Variants in BACE2 observed in about 807,000 individuals in gnomAD.
BACE2 encodes the protein beta-secretase 2.
In BACE2, 17 loss-of-function variants were observed where a neutral mutation model predicts 46.2. That is an observed-to-expected ratio of 0.37 (90% CI 0.25 to 0.55). BACE2 has a LOEUF of 0.55. Among genes scored for constraint, BACE2 ranks in the 20% least tolerant of loss-of-function variants. The pLI is 0.82. For synonymous variants in BACE2, 277 were observed against 295.9 expected (o/e 0.94, Z 0.66); for missense variants, 595 against 698.1 (o/e 0.85, Z 1.66).
chr21:41,185,312 G>A (rs956244899), intron 1 of BACE2: 29 of 152,468 alleles, frequency 1.9e-4, no homozygotes, highest in African/African-American at 5.8e-4. Flanking sequence ...TAAACAAATG[G>A]AGGAAGGGAA....
chr21:41,242,413 C>G (rs74349442), intron 4 of BACE2, among the ~76,000 whole-genome samples: 1,954 of 152,206 alleles, frequency 0.013, 38 homozygotes, highest in African/African-American at 0.043. Context: ...GAAACAGAAT[C>G]AAGGCCGTCA....
In BACE2 at chr21:41,222,307, C is replaced by T. The variant is rs554560485; in HGVS notation, c.313-3959C>T. 9.8e-5 allele frequency among the ~76,000 whole-genome samples: 15 copies of T among 152,314 alleles called. No individual in the cohort carries two copies. The South Asian group carries it at 2.7e-3, about 27-fold the overall frequency. ...GTGTTATGGGAGGGAAAGGGATGCACAGGCCGGCAGGAGACTGGGAACAGC... is the reference window on the plus strand; with the variant it reads ...GTGTTATGGGAGGGAAAGGGATGCATAGGCCGGCAGGAGACTGGGAACAGC... On this transcript the variant is annotated intron_variant, in intron 1 of 8. Coordinates refer to ENST00000330333, the MANE Select transcript of BACE2 (RefSeq NM_012105.5).
intron 1 of BACE2, among the ~76,000 whole-genome samples, chr21:41,221,748 A>G (rs1226327313): frequency 1.3e-5 from 2 of 149,860 alleles, no homozygotes; most frequent in Non-Finnish European, 3.0e-5. Context: ...GAATGGCGTG[A>G]GCCCAGGAGG....
chr21:41,269,789 C>T (rs1176116630), intron 8 of BACE2, among the ~76,000 whole-genome samples: 3 of 152,186 alleles, frequency 2.0e-5, no homozygotes, highest in South Asian at 4.1e-4. Flanking sequence ...ATAAATAAAG[C>T]TGCTATCAAC....
At chr21:41,251,494 T>C (rs1409563686) in intron 7 of BACE2, among the ~76,000 whole-genome samples, 1 of 152,228 alleles carries the variant, frequency 6.6e-6, no homozygotes, top group Non-Finnish European at 1.5e-5. Context: ...ACATTTTTCC[T>C]GTTTACGTAT....
At chr21:41,248,435 G>A (rs563636783) in intron 6 of BACE2, among the ~76,000 whole-genome samples, 1 of 152,224 alleles carries the variant, frequency 6.6e-6, no homozygotes, top group African/African-American at 2.4e-5. Context: ...CGTTGGAGCT[G>A]GTCATGGCAC....
In BACE2 at chr21:41,277,342, A is replaced by C. The variant is rs1171455450; in HGVS notation, c.*1718A>C. 1 of 152,048 alleles carries C rather than the reference A, an allele frequency of 6.6e-6. No individual in the cohort carries two copies. The highest frequency in any genetic ancestry group is 1.5e-5 in the Non-Finnish European group (1 of 68,020). 9.4% of individuals were successfully genotyped at this position (152,048 alleles called of 1,614,324 possible). ...GAACCTTCTGTGCTGTTTTCACTAG[A>C]GAAGATTTGAGTTGCAGCCTCTTGG... On this transcript the variant is annotated 3_prime_UTR_variant, in exon 9 of 9. Coordinates refer to ENST00000330333, the MANE Select transcript of BACE2 (RefSeq NM_012105.5).
chr21:41,173,881 CT>C (rs1984695420), intron 1 of BACE2, among the ~76,000 whole-genome samples: 1 of 152,046 alleles, frequency 6.6e-6, no homozygotes, highest in Non-Finnish European at 1.5e-5. Flanking sequence ...GTAATAAACA[CT>C]TATGTTGGGA....
At chr21:41,230,678 A>G (rs1193503289) in intron 2 of BACE2, among the ~76,000 whole-genome samples, 2 of 152,166 alleles carry the variant, frequency 1.3e-5, no homozygotes, top group African/African-American at 2.4e-5. Context: ...ATGTTACAGT[A>G]ATTGGAGATT....
chr21:41,266,946 TTG>T (rs10527457), intron 8 of BACE2, among the ~76,000 whole-genome samples: 37,323 of 148,104 alleles, frequency 0.25, 4,680 homozygotes, highest in Non-Finnish European at 0.27. Context: ...CTCACAGTGT[TTG>T]TGTGTGTGTG....
At position 41,241,829 on chromosome 21, in the gene BACE2, C is replaced by T; in HGVS notation, c.629C>T (p.Ser210Phe). 1 of 1,614,196 alleles carries T rather than the reference C, an allele frequency of 6.2e-7. No individual in the cohort carries two copies. The highest frequency in any genetic ancestry group is 8.5e-7 in the Non-Finnish European group (1 of 1,180,024). ...AYATLAKPSS[S>F]LETFFDSLVT... ...GTCGCCCTCCCGCAGCCATCAAGTT[C>T]TCTGGAGACCTTCTTCGACTCCCTG... is the stretch of plus-strand genomic sequence containing the variant. Residue 210 changes from serine to phenylalanine, a missense_variant, in exon 4 of 9, where the codon TCT becomes TTT. Around this residue, in one of 3 missense-constraint regions of BACE2, gnomAD observed 343 missense variants for 419.4 expected, o/e 0.82. Transcript: ENST00000330333.
rs1985650901 is a variant in BACE2, at chr21:41,193,746, G to A, written c.312+25171G>A. Among the ~76,000 whole-genome samples, 1 of 152,140 alleles carries A rather than the reference G, an allele frequency of 6.6e-6. No individual in the cohort carries two copies. The highest frequency in any genetic ancestry group is 2.4e-5 in the African/African-American group (1 of 41,432). ...CACAGGATGAGTCCGAGGACCCACT[G>A]GACCCACTGTAAGTTGGACCTGAGC... On this transcript the variant is annotated intron_variant, in intron 1 of 8. Transcript: ENST00000330333. The surrounding 1 kb of genome is among the most constrained non-coding windows in gnomAD (Gnocchi z 4.2).
chr21:41,242,925 A>G, intron 4 of BACE2, among the ~76,000 whole-genome samples: 1 of 151,506 alleles, frequency 6.6e-6, no homozygotes, highest in East Asian at 1.9e-4. Flanking sequence ...ATTTATTATT[A>G]TTTTTTTTAG....
intron 3 of BACE2, 127 bp from the exon 4 acceptor site, chr21:41,241,692 C>A: frequency 9.2e-7 from 1 of 1,082,762 alleles, no homozygotes; most frequent in Non-Finnish European, 1.3e-6. Context: ...AGCTGGTGTA[C>A]TGTTGAACCA....
chr21:41,172,899 G>A (rs569488456), intron 1 of BACE2, among the ~76,000 whole-genome samples: 38 of 152,298 alleles, frequency 2.5e-4, no homozygotes, highest in Non-Finnish European at 4.4e-4. Context: ...AGGCTCTGGG[G>A]GAGGATCCTT....
intron 2 of BACE2, among the ~76,000 whole-genome samples, chr21:41,226,789 C>T (rs896463287): frequency 3.5e-4 from 54 of 152,288 alleles, no homozygotes; most frequent in Middle Eastern, 3.4e-3. Flanking sequence ...TACATGGAAA[C>T]CCACCTTTGC....
chr21:41,247,255 C>T (rs574724701), intron 6 of BACE2, among the ~76,000 whole-genome samples: 1 of 152,072 alleles, frequency 6.6e-6, no homozygotes, highest in East Asian at 1.9e-4. Context: ...AAGAGCGGCA[C>T]GTGGATGAAA....
chr21:41,170,989 G>A (rs942463472), intron 1 of BACE2, among the ~76,000 whole-genome samples: 1 of 152,132 alleles, frequency 6.6e-6, no homozygotes, highest in African/African-American at 2.4e-5. Context: ...GGGCAACAGG[G>A]CAAGAAAGAG....
intron 4 of BACE2, among the ~76,000 whole-genome samples, chr21:41,242,707 C>T (rs1251125688): frequency 6.6e-6 from 1 of 152,136 alleles, no homozygotes; most frequent in Non-Finnish European, 1.5e-5. Flanking sequence ...CTCCAAGGAA[C>T]TAAATAATTG....
Sources: gnomAD v4.1 joint callset for allele counts (sites outside exome capture counted in the v4.1 genomes callset) on GRCh38, gnomAD v4.1.1 for gene constraint, gnomAD v4.1.1 regional missense constraint, Gnocchi (gnomAD v3.1) non-coding constraint, MANE v1.5 for transcripts, NCBI Gene and HGNC (gene_info 2026-07-23, HGNC 2026-07-21) for gene names.